NTM: variants seen among roughly 807,000 people sequenced by gnomAD.
The protein encoded by NTM is neurotrimin, also known as IgLON family member 2.
In NTM, 13 loss-of-function variants were observed where a neutral mutation model predicts 42.1. The ratio of observed to expected loss-of-function variants is 0.31; its 90% CI spans 0.20 to 0.49. The LOEUF (loss-of-function observed/expected upper bound fraction) is 0.49. NTM is among the 20% of genes least tolerant of loss of function. NTM has a pLI of 0.99. For missense variants in NTM, 373 were observed against 452.8 expected (o/e 0.82, Z 1.60); for synonymous variants, 187 against 179.2 (o/e 1.04, Z -0.35).
chr11:131,925,797 G>T (rs1337387165), intron 2 of NTM, among the ~76,000 whole-genome samples: 2 of 152,138 alleles, frequency 1.3e-5, no homozygotes, highest in Non-Finnish European at 2.9e-5. Context: ...CAGAGTTGTG[G>T]GTAGGAGACG....
rs367559390 is a variant in NTM at position 132,213,880 on chromosome 11, G to A, written c.526+1733G>A. Among the ~76,000 whole-genome samples, 9 of 115,244 alleles carry A rather than the reference G, an allele frequency of 7.8e-5. 1 individual carries two copies. In the East Asian group the frequency reaches 1.0e-3, roughly 13 times the overall value. 75.6% of individuals were successfully genotyped at this position (115,244 alleles called of 152,430 possible). A position where few individuals can be genotyped will look rare whatever the true frequency, so the allele number is the denominator to read the frequency against. On this transcript the variant is annotated intron_variant, in intron 4 of 8. Transcript: ENST00000683400. Reference sequence around the variant, plus strand: ...CTCCCAAGTAGCTGGGACTACAGGCGCCCGCCACTACGCCCGGCTAATTTT... The same window carrying A: ...CTCCCAAGTAGCTGGGACTACAGGCACCCGCCACTACGCCCGGCTAATTTT...
chr11:132,150,780 C>A (rs2071724143), intron 3 of NTM, among the ~76,000 whole-genome samples: 1 of 152,088 alleles, frequency 6.6e-6, no homozygotes, highest in African/African-American at 2.4e-5. Context: ...GGGGTGATGA[C>A]TCCACCAGGA....
chr11:131,678,256 C>T (rs2071783729), intron 1 of NTM, among the ~76,000 whole-genome samples: 1 of 152,226 alleles, frequency 6.6e-6, no homozygotes, highest in South Asian at 2.1e-4. Context: ...CCTGGGCACT[C>T]GTGAGTTGTC....
intron 5 of NTM, among the ~76,000 whole-genome samples, 185 bp downstream of exon 5, chr11:132,308,008 C>CA (rs1253306737): frequency 6.6e-6 from 1 of 152,230 alleles, no homozygotes; most frequent in African/African-American, 2.4e-5. Context: ...TTCAAGGTGT[C>CA]ACAGTGTCAC....
chr11:131,515,538 A>T (rs1347644792), intron 1 of NTM, among the ~76,000 whole-genome samples: 1 of 152,238 alleles, frequency 6.6e-6, no homozygotes, highest in Non-Finnish European at 1.5e-5. Context: ...TCCCCTGTCC[A>T]GAAAACAAGT....
At chr11:132,040,119 G>A (rs938161067) in intron 2 of NTM, among the ~76,000 whole-genome samples, 3 of 151,908 alleles carry the variant, frequency 2.0e-5, no homozygotes, top group Non-Finnish European at 4.4e-5. Flanking sequence ...TATTAGAGAC[G>A]AGATGGGGGT....
intron 1 of NTM, among the ~76,000 whole-genome samples, chr11:131,881,632 A>C (rs1194845350): frequency 6.6e-6 from 1 of 152,092 alleles, no homozygotes; most frequent in Non-Finnish European, 1.5e-5. Flanking sequence ...CACTAAGAAA[A>C]GCTGAAAAAT....
chr11:132,330,751 G>C (rs537336765), intron 8 of NTM, among the ~76,000 whole-genome samples: 29 of 152,134 alleles, frequency 1.9e-4, no homozygotes, highest in Non-Finnish European at 3.2e-4. Flanking sequence ...GACCCTAACT[G>C]TCCTGGTAAT....
At chr11:131,811,669 A>G (rs2092734739) in intron 1 of NTM, among the ~76,000 whole-genome samples, 1 of 152,216 alleles carries the variant, frequency 6.6e-6, no homozygotes, top group African/African-American at 2.4e-5. Flanking sequence ...GTGTAACTCT[A>G]TGGCAGGCTT....
chr11:131,755,552 AT>A (rs1404263674), intron 1 of NTM, among the ~76,000 whole-genome samples: 1 of 152,204 alleles, frequency 6.6e-6, no homozygotes, highest in Admixed American at 6.5e-5. Context: ...TGGGACATAT[AT>A]TTTTATTAAA....
intron 1 of NTM, among the ~76,000 whole-genome samples, chr11:131,510,870 C>A (rs986993957): frequency 4.6e-5 from 7 of 152,172 alleles, no homozygotes; most frequent in African/African-American, 1.7e-4. Context: ...TGCACGGCCC[C>A]CTGGGCCGTG....
intron 7 of NTM, among the ~76,000 whole-genome samples, chr11:132,318,782 C>A (rs1464173170): frequency 6.6e-6 from 1 of 152,156 alleles, no homozygotes; most frequent in Non-Finnish European, 1.5e-5. Context: ...CCCACCTCAC[C>A]CCACCCTGTT....
At chr11:131,998,357 T>C (rs547933329) in intron 2 of NTM, among the ~76,000 whole-genome samples, 168 of 152,276 alleles carry the variant, frequency 1.1e-3, no homozygotes, top group Non-Finnish European at 1.7e-3. Flanking sequence ...AATAAATCAG[T>C]ATCCGGCATG....
intron 2 of NTM, among the ~76,000 whole-genome samples, chr11:132,045,803 G>A (rs2077907355): frequency 1.3e-5 from 2 of 152,104 alleles, no homozygotes; most frequent in African/African-American, 4.8e-5. Context: ...GGTGTTCCTG[G>A]CTGACTTTCT....
chr11:132,240,302 T>G (rs1591474957), intron 4 of NTM, among the ~76,000 whole-genome samples: 1 of 152,378 alleles, frequency 6.6e-6, no homozygotes, highest in East Asian at 1.9e-4. Context: ...AGCAGTTTTC[T>G]TTGTAGAGAT....
At chr11:131,373,573 G>T (rs1348758094) in intron 1 of NTM, among the ~76,000 whole-genome samples, 1 of 151,862 alleles carries the variant, frequency 6.6e-6, no homozygotes, top group Admixed American at 6.6e-5. Flanking sequence ...ATACACCAGG[G>T]TTGATTAAGT....
chr11:131,436,124 C>T (rs61901892), intron 1 of NTM, among the ~76,000 whole-genome samples: 1 of 152,044 alleles, frequency 6.6e-6, no homozygotes, highest in African/African-American at 2.4e-5. Context: ...GACTTGCATC[C>T]CAGGGATGAA....
chr11:132,323,512 T>G (rs937604239), intron 7 of NTM, among the ~76,000 whole-genome samples: 7 of 151,428 alleles, frequency 4.6e-5, no homozygotes, highest in African/African-American at 1.2e-4. Flanking sequence ...AATAACAGGA[T>G]CTGAAATTGC....
At chr11:131,585,727 A>C (rs1028968481) in intron 1 of NTM, among the ~76,000 whole-genome samples, 1 of 151,986 alleles carries the variant, frequency 6.6e-6, no homozygotes, top group Non-Finnish European at 1.5e-5. Flanking sequence ...AGTAAGTGTA[A>C]AAATCTTGCC....
Sources: gnomAD v4.1 joint callset for allele counts (sites outside exome capture counted in the v4.1 genomes callset) on GRCh38, gnomAD v4.1.1 for gene constraint, MANE v1.5 for transcripts, NCBI Gene and HGNC (gene_info 2026-07-23, HGNC 2026-07-21) for gene names.